GPR55: variants seen among roughly 807,000 people sequenced by gnomAD.
GPR55 encodes G protein-coupled receptor 55, also known as G-protein coupled receptor 55.
A neutral mutation model predicts 7.9 loss-of-function variants in GPR55; 6 were observed. The observed-to-expected ratio is 0.76, with a 90% CI of 0.41 to 1.49. The LOEUF (loss-of-function observed/expected upper bound fraction) is 1.49. GPR55 is among the 40% of genes most tolerant of loss of function. GPR55 has a pLI of 0.01. For synonymous variants in GPR55, 183 were observed against 166.8 expected, an observed-to-expected ratio of 1.10 and a Z score of -0.75; for missense variants, 376 against 406.0, an observed-to-expected ratio of 0.93 and a Z score of 0.63.
upstream of GPR55, chr2:230,925,248 G>A (rs1369611123): frequency 1.3e-5 from 2 of 152,738 alleles, no homozygotes; most frequent in African/African-American, 4.8e-5. Flanking sequence ...GTTCTGGGGA[G>A]AGTCACTTCC....
chr2:230,958,044 C>A, intron 1 of GPR55: 2 of 263,320 alleles, frequency 7.6e-6, no homozygotes, highest in Non-Finnish European at 8.0e-6. Flanking sequence ...ACAATAAGCT[C>A]TCAATCAAGT....
chr2:230,925,537 G>A (rs1690927908), upstream of GPR55, among the ~76,000 whole-genome samples: 2 of 152,102 alleles, frequency 1.3e-5, no homozygotes, highest in Admixed American at 6.5e-5. Context: ...GTCAAGCCCT[G>A]GGAAGCCTCT....
At chr2:230,956,319 C>T (rs1449032491) in intron 1 of GPR55, among the ~76,000 whole-genome samples, 1 of 151,974 alleles carries the variant, frequency 6.6e-6, no homozygotes. Context: ...CATGCACCAC[C>T]ACACCCAGCT....
At chr2:230,916,676 T>G (rs1054758609) in intron 1 of GPR55, among the ~76,000 whole-genome samples, 1 of 152,124 alleles carries the variant, frequency 6.6e-6, no homozygotes, top group African/African-American at 2.4e-5. Context: ...AGCAAAAGGC[T>G]CTATTGCTAA....
intron 1 of GPR55, among the ~76,000 whole-genome samples, chr2:230,942,580 G>T (rs1419008214): frequency 6.6e-6 from 1 of 152,168 alleles, no homozygotes; most frequent in African/African-American, 2.4e-5. Flanking sequence ...AGGCCAAAAG[G>T]GAGGTCAATG....
chr2:230,935,039 C>G (rs2125063401), intron 1 of GPR55, among the ~76,000 whole-genome samples: 1 of 152,168 alleles, frequency 6.6e-6, no homozygotes, highest in African/African-American at 2.4e-5. Context: ...CACACAGGCC[C>G]CTTCATGCCA....
chr2:230,914,416 G>T (rs574501246), intron 1 of GPR55, among the ~76,000 whole-genome samples: 3 of 152,262 alleles, frequency 2.0e-5, no homozygotes, highest in East Asian at 3.9e-4. Flanking sequence ...AAGAAATTAG[G>T]TTGAAAAAAT....
intron 1 of GPR55, among the ~76,000 whole-genome samples, chr2:230,950,659 T>C (rs1007288738): frequency 2.0e-5 from 3 of 152,210 alleles, no homozygotes; most frequent in African/African-American, 4.8e-5. Context: ...TACACACGTG[T>C]TGGCTTTTGT....
upstream of GPR55, chr2:230,961,097 C>T (rs1400903595): frequency 1.3e-5 from 2 of 152,228 alleles, no homozygotes; most frequent in Non-Finnish European, 2.9e-5. Flanking sequence ...TCAAAGGACA[C>T]TGCCTTACCA....
At chr2:230,952,977 CATG>C (rs1334170252) in intron 1 of GPR55, among the ~76,000 whole-genome samples, 1 of 152,222 alleles carries the variant, frequency 6.6e-6, no homozygotes, top group African/African-American at 2.4e-5. Context: ...CAGTTGTCAC[CATG>C]ATGTTTTCCT....
rs1365403452 is a variant in GPR55, at chr2:230,924,349, C to G, written c.-135+819G>C. ...CTTTGCCCTGCCCTGTCCTCTCATC[C>G]CCACTGCCTCGGGCAGCACAAAGCC... On this transcript the variant is annotated intron_variant, in intron 1 of 1. Coordinates refer to ENST00000650999, the MANE Select transcript of GPR55 (RefSeq NM_005683.4). This position sits in a 1 kb window ranked among gnomAD's most constrained non-coding sequence, Gnocchi z 4.5. Among the ~76,000 whole-genome samples, 1 of 152,194 alleles carries G rather than the reference C, an allele frequency of 6.6e-6. No homozygotes were observed. Among genetic ancestry groups the G allele is most frequent in the East Asian group, 1.9e-4 (1 of 5,188 alleles).
intron 1 of GPR55, among the ~76,000 whole-genome samples, chr2:230,942,285 T>C (rs1008404511): frequency 1.3e-5 from 2 of 152,130 alleles, no homozygotes; most frequent in African/African-American, 4.8e-5. Flanking sequence ...TGCCTCCTTC[T>C]TCTGCCTCCT....
At chr2:230,917,761 C>T (rs1028149765) in intron 1 of GPR55, among the ~76,000 whole-genome samples, 17 of 152,016 alleles carry the variant, frequency 1.1e-4, no homozygotes, top group South Asian at 4.1e-4. Context: ...GCTGCAGTGA[C>T]CTGTGATCAT....
chr2:230,943,765 G>T (rs745578269), intron 1 of GPR55, among the ~76,000 whole-genome samples: 1 of 152,102 alleles, frequency 6.6e-6, no homozygotes, highest in South Asian at 2.1e-4. Context: ...CTGGCTGTTT[G>T]AAAGTGTGCG....
intron 1 of GPR55, chr2:230,958,089 A>T (rs1009305526): frequency 2.3e-5 from 6 of 262,708 alleles, no homozygotes; most frequent in African/African-American, 9.2e-5. Context: ...TAAAGAAAGA[A>T]AGGAAGAAAA....
chr2:230,960,013 T>C (rs1369088382), intron 1 of GPR55, among the ~76,000 whole-genome samples: 1 of 152,196 alleles, frequency 6.6e-6, no homozygotes, highest in Non-Finnish European at 1.5e-5. Context: ...GCCTGGATCA[T>C]AGAGTAGACC....
In GPR55 at chr2:230,944,828, C is replaced by G. The variant is rs1691285834; in HGVS notation, c.-135+15947G>C. 6.6e-6 allele frequency among the ~76,000 whole-genome samples: 1 copy of G among 152,348 alleles called. No homozygotes were observed. Among genetic ancestry groups the G allele is most frequent in the Non-Finnish European group, 1.5e-5 (1 of 68,034 alleles). On this transcript the variant is annotated intron_variant, in intron 1 of 1. Transcript: ENST00000392039. The surrounding 1 kb of genome is among the most constrained non-coding windows in gnomAD (Gnocchi z 4.2). ...ATCAAAGACAAGGAAGGCCCATTGC[C>G]TGCCCTCATGCTGGTTGTTCAGCCC... is the stretch of plus-strand genomic sequence containing the variant.
upstream of GPR55, chr2:230,930,053 C>G (rs769800587): frequency 1.3e-5 from 2 of 152,324 alleles, no homozygotes; most frequent in African/African-American, 4.8e-5. Flanking sequence ...CAGCCAGGAC[C>G]CCCCCGCCTC....
chr2:230,938,983 A>G (rs1691176596), intron 1 of GPR55, among the ~76,000 whole-genome samples: 1 of 152,020 alleles, frequency 6.6e-6, no homozygotes, highest in African/African-American at 2.4e-5. Context: ...CATGGCTCCC[A>G]CCTCGCCGCC....
Sources: gnomAD v4.1 joint callset for allele counts (sites outside exome capture counted in the v4.1 genomes callset) on GRCh38, gnomAD v4.1.1 for gene constraint, Gnocchi (gnomAD v3.1) non-coding constraint, MANE v1.5 for transcripts, NCBI Gene and HGNC (gene_info 2026-07-23, HGNC 2026-07-21) for gene names.